ITFG1: variants seen among roughly 807,000 people sequenced by gnomAD.
ITFG1 encodes the protein T-cell immunomodulatory protein.
A neutral mutation model predicts 81.8 loss-of-function variants in ITFG1; 34 were observed. That is an observed-to-expected ratio of 0.42 (90% confidence interval 0.32 to 0.55). The LOEUF is 0.55. Ranked by LOEUF, ITFG1 falls within the 20% of genes least tolerant of loss-of-function variation. The pLI, the probability that ITFG1 is intolerant of heterozygous loss-of-function variation, is 0.17. For missense variants in ITFG1, 672 were observed against 755.4 expected (o/e 0.89, Z 1.29); for synonymous variants, 285 against 270.6 (o/e 1.05, Z -0.52).
rs1222007051 is a variant in ITFG1 at position 47,376,964 on chromosome 16, C to CAAAAAAAAAAAAAAAAA, written c.656-1041_656-1025dup. 1.5e-3 allele frequency among the ~76,000 whole-genome samples: 27 copies of CAAAAAAAAAAAAAAAAA among 18,072 alleles called. 12 individuals are homozygous for CAAAAAAAAAAAAAAAAA. The highest frequency in any genetic ancestry group is 3.4e-3 in the African/African-American group (27 of 8,052). 11.9% of individuals were successfully genotyped at this position (18,072 alleles called of 152,430 possible). A position where few individuals can be genotyped will look rare whatever the true frequency, so the allele number is the denominator to read the frequency against. ...GAGACAGAGGGAGACTCTGTCTCCC[C>CAAAAAAAAAAAAAAAAA]AAAAAAAAAAAAAAAAAAAAAAAAA... is the stretch of plus-strand genomic sequence containing the variant. On this transcript the variant is annotated intron_variant, in intron 6 of 17. Coordinates refer to ENST00000320640, the MANE Select transcript of ITFG1 (RefSeq NM_030790.5).
At chr16:47,371,779 G>C (rs1968257256) in intron 7 of ITFG1, among the ~76,000 whole-genome samples, 1 of 151,976 alleles carries the variant, frequency 6.6e-6, no homozygotes, top group African/African-American at 2.4e-5. Context: ...AAGAGGTCAG[G>C]GACACTGCTA....
At chr16:47,365,903 C>T in intron 7 of ITFG1, 34 bp from the exon 8 acceptor site, 3 of 1,054,466 alleles carry the variant, frequency 2.8e-6, no homozygotes, top group Non-Finnish European at 4.4e-6. Flanking sequence ...ATTAGACCAT[C>T]TTAATCCACT....
At chr16:47,441,585 G>T (rs1255079448) in intron 5 of ITFG1, among the ~76,000 whole-genome samples, 1 of 152,056 alleles carries the variant, frequency 6.6e-6, no homozygotes, top group East Asian at 1.9e-4. Flanking sequence ...AAACCACATG[G>T]TTATCTCAAT....
intron 6 of ITFG1, among the ~76,000 whole-genome samples, chr16:47,385,440 A>AT (rs1968449435): frequency 6.6e-6 from 1 of 152,246 alleles, no homozygotes; most frequent in South Asian, 2.1e-4. Context: ...ATGGCATTTG[A>AT]TTAAAGTAGT....
At chr16:47,453,937 G>T in intron 3 of ITFG1, 76 bp downstream of exon 3, 1 of 944,792 alleles carries the variant, frequency 1.1e-6, no homozygotes, top group South Asian at 1.7e-5. Context: ...TTTTTGAACT[G>T]ATTTCAGAAC....
At chr16:47,294,718 T>C (rs1163286689) in intron 10 of ITFG1, among the ~76,000 whole-genome samples, 1 of 152,176 alleles carries the variant, frequency 6.6e-6, no homozygotes, top group Non-Finnish European at 1.5e-5. Context: ...TTGCATCTTG[T>C]AACTATACTA....
At chr16:47,460,312 T>C (rs758653564) in intron 1 of ITFG1, among the ~76,000 whole-genome samples, 8 of 152,172 alleles carry the variant, frequency 5.3e-5, no homozygotes, top group African/African-American at 9.7e-5. Context: ...ATTCGCTTCA[T>C]AGAAAGTTGT....
At chr16:47,189,438 T>C (rs879008362) in intron 14 of ITFG1, among the ~76,000 whole-genome samples, 1 of 152,248 alleles carries the variant, frequency 6.6e-6, no homozygotes, top group African/African-American at 2.4e-5. Context: ...ATTCTGGACC[T>C]TTCATATAAA....
intron 6 of ITFG1, among the ~76,000 whole-genome samples, chr16:47,391,521 T>A (rs925271924): frequency 1.5e-4 from 23 of 152,222 alleles, no homozygotes; most frequent in Non-Finnish European, 7.3e-5. Flanking sequence ...CTAACAACTC[T>A]TGGGATCTTT....
At chr16:47,383,921 C>CT (rs1405256467) in intron 6 of ITFG1, among the ~76,000 whole-genome samples, 1 of 152,174 alleles carries the variant, frequency 6.6e-6, no homozygotes, top group Non-Finnish European at 1.5e-5. Flanking sequence ...AAAGAAAAGA[C>CT]TGTATGTCAG....
intron 8 of ITFG1, among the ~76,000 whole-genome samples, chr16:47,341,394 G>T (rs954369003): frequency 2.3e-5 from 3 of 131,750 alleles, no homozygotes; most frequent in African/African-American, 8.6e-5. Flanking sequence ...CTAGGACTGC[G>T]CCACTGAAAA....
intron 13 of ITFG1, among the ~76,000 whole-genome samples, chr16:47,223,409 T>A (rs1232524603): frequency 1.3e-5 from 2 of 152,054 alleles, no homozygotes; most frequent in Non-Finnish European, 2.9e-5. Context: ...AACAACCCCA[T>A]GAACAGACAC....
At chr16:47,302,331 G>C (rs1967089466) in intron 10 of ITFG1, among the ~76,000 whole-genome samples, 1 of 151,482 alleles carries the variant, frequency 6.6e-6, no homozygotes, top group Non-Finnish European at 1.5e-5. Context: ...TCAGTTAAAA[G>C]AAGTCCTGCT....
At chr16:47,241,659 A>G (rs1335818031) in intron 12 of ITFG1, among the ~76,000 whole-genome samples, 1 of 152,192 alleles carries the variant, frequency 6.6e-6, no homozygotes, top group Non-Finnish European at 1.5e-5. Flanking sequence ...ATGGGGGACT[A>G]AGAGTGACAG....
At chr16:47,334,841 T>A (rs935718434) in intron 8 of ITFG1, among the ~76,000 whole-genome samples, 19 of 152,088 alleles carry the variant, frequency 1.2e-4, no homozygotes, top group South Asian at 2.1e-4. Context: ...ATGAGAAAAA[T>A]TTTTTTGTTA....
intron 11 of ITFG1, 66 bp from the exon 12 acceptor site, chr16:47,258,806 TAAA>T (rs1966171026): frequency 1.6e-6 from 1 of 640,108 alleles, no homozygotes; most frequent in South Asian, 2.2e-5. Context: ...AAATGACCAT[TAAA>T]ATGCATGGCA....
intron 8 of ITFG1, among the ~76,000 whole-genome samples, chr16:47,351,524 AAGG>A (rs1567470674): frequency 6.6e-6 from 1 of 152,176 alleles, no homozygotes; most frequent in Admixed American, 6.5e-5. Context: ...GGACCTCTTC[AAGG>A]AGAACTACAA....
intron 6 of ITFG1, among the ~76,000 whole-genome samples, chr16:47,377,822 C>G (rs1055630404): frequency 1.3e-5 from 2 of 152,112 alleles, no homozygotes; most frequent in African/African-American, 4.8e-5. Context: ...TTTTTCTATC[C>G]CTGCTGTTTC....
intron 8 of ITFG1, among the ~76,000 whole-genome samples, chr16:47,347,997 G>C (rs1240540620): frequency 6.6e-6 from 1 of 152,136 alleles, no homozygotes; most frequent in Non-Finnish European, 1.5e-5. Flanking sequence ...TGCAGCTGAG[G>C]GTCCAGAATG....
Sources: gnomAD v4.1 joint callset for allele counts (sites outside exome capture counted in the v4.1 genomes callset) on GRCh38, gnomAD v4.1.1 for gene constraint, MANE v1.5 for transcripts, NCBI Gene and HGNC (gene_info 2026-07-23, HGNC 2026-07-21) for gene names.